The following FOXRED2 variants were observed in gnomAD, a reference collection of about 807,000 sequenced individuals.
FOXRED2 encodes FAD dependent oxidoreductase domain containing 2, also known as FAD-dependent oxidoreductase domain-containing protein 2.
FOXRED2 carries 32 observed loss-of-function variants against 52.5 expected under a neutral mutation model. The ratio of observed to expected loss-of-function variants is 0.61; its 90% CI spans 0.46 to 0.82. FOXRED2 has a LOEUF of 0.82. FOXRED2 is among the 40% of genes least tolerant of loss of function. The pLI is 0.00. For missense variants in FOXRED2, 848 were observed against 937.5 expected, an observed-to-expected ratio of 0.90 and a Z score of 1.25; for synonymous variants, 405 against 398.1, an observed-to-expected ratio of 1.02 and a Z score of -0.21.
In FOXRED2 at chr22:36,504,130, C is replaced by G; in HGVS notation, c.1017G>C (p.Leu339=). 1 of 1,614,222 alleles carries G rather than the reference C, an allele frequency of 6.2e-7. No individual in the cohort carries two copies. The highest frequency in any genetic ancestry group is 1.1e-5 in the South Asian group (1 of 91,082). ...AAATGGAGAAGTCAAAGTTCCAGCC[C>G]AGGCAGCGGATTACCCGGTCATAGG... ...RVPYDRVIRC[L]GWNFDFSIFN... is the part of the protein sequence containing the mutation. Residue 339 remains leucine, a synonymous_variant, in exon 4 of 9, where the codon CTG becomes CTC. Transcript: ENST00000397224.
rs374802402 is a variant in FOXRED2, at chr22:36,504,163, C to T, written c.984G>A (p.Met328Ile). 2.3e-5 allele frequency: 37 copies of T among 1,614,236 alleles called. No homozygotes were observed. In the South Asian group the frequency reaches 4.1e-4, roughly 18 times the overall value. The change falls in exon 4 of 9, where the codon ATG becomes ATA. Residue 328 changes from methionine (M) to isoleucine (I), a missense_variant. Coordinates refer to ENST00000397224, the MANE Select transcript of FOXRED2 (RefSeq NM_001102371.2). ...LPQDDNDNFA[M>I]RVPYDRVIRC... ...GGATTACCCGGTCATAGGGCACGCG[C>T]ATGGCAAAGTTGTCATTGTCGTCCT...
intron 7 of FOXRED2, 60 bp from the exon 8 acceptor site, chr22:36,493,863 G>A (rs1933825477): frequency 2.0e-6 from 3 of 1,480,748 alleles, no homozygotes; most frequent in South Asian, 2.4e-5. Context: ...CCCTCCTCGG[G>A]CCGACACAGC....
chr22:36,495,389 C>T (rs951522844), intron 7 of FOXRED2, among the ~76,000 whole-genome samples: 1 of 152,218 alleles, frequency 6.6e-6, no homozygotes, highest in East Asian at 1.9e-4. Flanking sequence ...AGCTCTGAAG[C>T]AGGGGGTGCG....
At chr22:36,495,753 C>A (rs576348976) in intron 7 of FOXRED2, among the ~76,000 whole-genome samples, 2 of 152,366 alleles carry the variant, frequency 1.3e-5, no homozygotes, top group South Asian at 4.1e-4. Flanking sequence ...ACGACACCCC[C>A]CGCATGGCCT....
At chr22:36,502,692 CTCTT>C (rs369230724) in intron 4 of FOXRED2, among the ~76,000 whole-genome samples, 64 of 152,028 alleles carry the variant, frequency 4.2e-4, no homozygotes, top group African/African-American at 1.1e-3. Flanking sequence ...TCTCTCCTCT[CTCTT>C]TTTTTGTTTT....
At position 36,505,199 on chromosome 22, in the gene FOXRED2, C is replaced by A. The variant is rs542406024; in HGVS notation, c.528-433G>T. Among the ~76,000 whole-genome samples the A allele has an allele frequency of 1.7e-4, 26 of 152,322 alleles. No individual in the cohort carries two copies. In the East Asian group the frequency reaches 5.0e-3, roughly 29 times the overall value. On this transcript the variant is annotated intron_variant, in intron 2 of 8. Coordinates refer to ENST00000397224, the MANE Select transcript of FOXRED2 (RefSeq NM_001102371.2). ...CACTGAGCAGTAATTCTGTACCAGG[C>A]CCTGTACTAAGTGTATCTGTGCACC... is the stretch of plus-strand genomic sequence containing the variant.
Position 36,493,655 on chromosome 22 carries a change from G to T in FOXRED2, c.1773C>A (p.Thr591=). The change falls in exon 8 of 9, where the codon ACC becomes ACA. Residue 591 remains threonine (T), a synonymous_variant. Coordinates refer to ENST00000397224, the MANE Select transcript of FOXRED2 (RefSeq NM_001102371.2). The part of the protein sequence containing the change: ...LRRFLENCLD[T]DLRSFYAESC... The stretch of plus-strand genomic sequence containing the variant: ...TACCTGCATAGAAGCTTCGCAAATC[G>T]GTGTCCAAACAGTTCTCCAGGAAGC... 6.2e-7 allele frequency: 1 copy of T among 1,614,068 alleles called. No homozygotes were observed. The highest frequency in any genetic ancestry group is 8.5e-7 in the Non-Finnish European group (1 of 1,179,974).
intron 8 of FOXRED2, among the ~76,000 whole-genome samples, chr22:36,492,877 T>C (rs1411544007): frequency 2.0e-5 from 3 of 152,204 alleles, no homozygotes; most frequent in Non-Finnish European, 2.9e-5. Context: ...AGCTCAATGA[T>C]CTCATGAAGT....
chr22:36,505,363 T>G (rs954490515), intron 2 of FOXRED2, among the ~76,000 whole-genome samples: 1 of 152,212 alleles, frequency 6.6e-6, no homozygotes, highest in African/African-American at 2.4e-5. Flanking sequence ...TAGGCTTGAT[T>G]CCAAAGTCCT....
chr22:36,504,861 G>T, intron 2 of FOXRED2, 95 bp from the exon 3 acceptor site: 1 of 1,342,552 alleles, frequency 7.4e-7, no homozygotes, highest in Non-Finnish European at 1.0e-6. Flanking sequence ...CACCTGCCTG[G>T]CTCCAACCGC....
At chr22:36,496,259 G>A in intron 6 of FOXRED2, 51 bp from the exon 7 acceptor site, 8 of 1,608,624 alleles carry the variant, frequency 5.0e-6, no homozygotes, top group Admixed American at 1.7e-5. Flanking sequence ...GCAGAGGTGA[G>A]GGGTGCAGCC....
At chr22:36,490,618 G>A (rs1338833234) in intron 8 of FOXRED2, among the ~76,000 whole-genome samples, 2 of 152,244 alleles carry the variant, frequency 1.3e-5, no homozygotes, top group African/African-American at 4.8e-5. Context: ...ACCTTCATGA[G>A]CAGACCCTCG....
In FOXRED2 at chr22:36,488,281, G is replaced by C. The variant is rs1009270996; in HGVS notation, c.*1727C>G. The C allele has an allele frequency of 6.6e-6, 1 of 151,886 alleles. No individual in the cohort carries two copies. The highest frequency in any genetic ancestry group is 2.4e-5 in the African/African-American group (1 of 41,330). The allele number at this position is 151,886 out of a possible 1,614,324, so 9.4% of individuals were successfully genotyped here. On this transcript the variant is annotated 3_prime_UTR_variant, in exon 9 of 9. Transcript: ENST00000397224. The stretch of plus-strand genomic sequence containing the variant: ...TGAGATGGGGTGTGGGGGCTTTACT[G>C]TGGGTCTTGCTTTGTCACCTAGGCT...
At position 36,506,075 on chromosome 22, in the gene FOXRED2, A is replaced by G. The variant is rs767545479; in HGVS notation, c.348T>C (p.Arg116=). The stretch of plus-strand genomic sequence containing the variant: ...TGTCGCGGGCGTCGGGGAAGTAGGC[A>G]CGCGAGTAGTGTCTGAAGAGCAGCC... ...DPRLLFRHYS[R]AYFPDARDMV... is the part of the protein sequence containing the mutation. Residue 116 remains arginine (R), a synonymous_variant, in exon 2 of 9, where the codon CGT becomes CGC. Coordinates refer to ENST00000397224, the MANE Select transcript of FOXRED2 (RefSeq NM_001102371.2). 4.3e-6 allele frequency: 7 copies of G among 1,614,110 alleles called. No homozygotes were observed. The highest frequency in any genetic ancestry group is 5.1e-6 in the Non-Finnish European group (6 of 1,180,046).
intron 8 of FOXRED2, 136 bp downstream of exon 8, chr22:36,493,497 C>A: frequency 4.7e-6 from 3 of 641,442 alleles, no homozygotes; most frequent in Non-Finnish European, 7.9e-6. Flanking sequence ...TAATTTAACC[C>A]ACGGCATTGT....
At chr22:36,497,073 G>A (rs113294870) in intron 6 of FOXRED2, among the ~76,000 whole-genome samples, 3,696 of 152,146 alleles carry the variant, frequency 0.024, 148 homozygotes, top group African/African-American at 0.086. Flanking sequence ...CCAGCTACTC[G>A]GGAGGCTGAG....
In FOXRED2 at chr22:36,505,960, G is replaced by A. The variant is rs1343711178; in HGVS notation, c.463C>T (p.Arg155Ter). ...AAGTAGTGGCCATTCCAGGCCTGTC[G>A]GTCCTTGTCCAGAGTGACGTGGGCG... ...TIAHVTLDKD[R>*]QAWNGHYFIL... The change falls in exon 2 of 9, where the codon CGA becomes TGA. Residue 155 changes from arginine (R) to a stop codon, truncating the protein, a stop_gained. Transcript: ENST00000397224. LOFTEE classifies it high-confidence loss of function. 6 of 1,614,092 alleles carry A rather than the reference G, an allele frequency of 3.7e-6. No individual in the cohort carries two copies. Among genetic ancestry groups the A allele is most frequent in the Non-Finnish European group, 4.2e-6 (5 of 1,180,040 alleles).
chr22:36,496,682 G>C (rs572907534), intron 6 of FOXRED2, among the ~76,000 whole-genome samples: 1 of 152,338 alleles, frequency 6.6e-6, no homozygotes, highest in African/African-American at 2.4e-5. Flanking sequence ...GGATCAGCAT[G>C]CCTCAGGTTT....
At position 36,506,150 on chromosome 22, in the gene FOXRED2, G is replaced by C. The variant is rs3747166; in HGVS notation, c.273C>G (p.Ala91=). 1.9e-6 allele frequency: 3 copies of C among 1,614,154 alleles called. No individual in the cohort carries two copies. In the African/African-American group the frequency reaches 4.0e-5, roughly 22 times the overall value. The change falls in exon 2 of 9, where the codon GCC becomes GCG. Residue 91 remains alanine (A), a synonymous_variant. Coordinates refer to ENST00000397224, the MANE Select transcript of FOXRED2 (RefSeq NM_001102371.2). The part of the protein sequence containing the change: ...INKRYTGKAN[A]EFNLRHDWNS... ...TCCAGTCGTGGCGGAGGTTGAACTC[G>C]GCGTTAGCCTTGCCCGTGTACCGCT...
Sources: gnomAD v4.1 joint callset for allele counts (sites outside exome capture counted in the v4.1 genomes callset) on GRCh38, gnomAD v4.1.1 for gene constraint, MANE v1.5 for transcripts, NCBI Gene and HGNC (gene_info 2026-07-23, HGNC 2026-07-21) for gene names.